The following LRRC7 variants were observed in gnomAD, a reference collection of about 807,000 sequenced individuals.
LRRC7 encodes leucine-rich repeat-containing protein 7.
In LRRC7, 23 loss-of-function variants were observed where a neutral mutation model predicts 175.7. The observed-to-expected ratio is 0.13, with a 90% CI of 0.09 to 0.19. The LOEUF (loss-of-function observed/expected upper bound fraction) is 0.19, where lower values mean the gene tolerates loss of function less well. Among genes scored for constraint, LRRC7 ranks in the 10% least tolerant of loss-of-function variants. The pLI is 1.00. For missense variants in LRRC7, 1,354 were observed against 1,904.7 expected (o/e 0.71, Z 5.38); for synonymous variants, 685 against 680.9 (o/e 1.01, Z -0.09).
chr1:70,040,515 T>G (rs1659787876), intron 21 of LRRC7, among the ~76,000 whole-genome samples: 1 of 152,116 alleles, frequency 6.6e-6, no homozygotes, highest in Non-Finnish European at 1.5e-5. Flanking sequence ...TTAATTCTAG[T>G]TCAGTTAAAA....
chr1:70,107,680 G>A, intron 25 of LRRC7, 72 bp from the exon 26 acceptor site: 2 of 1,081,294 alleles, frequency 1.8e-6, no homozygotes, highest in Non-Finnish European at 1.4e-6. Flanking sequence ...TTTTCTATGT[G>A]AATGAAGATT....
At chr1:69,888,800 C>T (rs1353028175) in intron 7 of LRRC7, among the ~76,000 whole-genome samples, 1 of 151,526 alleles carries the variant, frequency 6.6e-6, no homozygotes, top group East Asian at 1.9e-4. Context: ...GAGATGTAGC[C>T]CAAAGGAGAC....
At chr1:69,837,127 A>G (rs2101348259) in intron 6 of LRRC7, among the ~76,000 whole-genome samples, 1 of 152,038 alleles carries the variant, frequency 6.6e-6, no homozygotes, top group East Asian at 1.9e-4. Context: ...TGCATTCCTA[A>G]TCACAAATGT....
At chr1:69,663,267 G>A (rs1410888204) in intron 1 of LRRC7, among the ~76,000 whole-genome samples, 2 of 116,272 alleles carry the variant, frequency 1.7e-5, no homozygotes, top group East Asian at 2.0e-4. Flanking sequence ...CAGATGTGCT[G>A]TAGTATGTAA....
At chr1:69,774,602 T>C (rs879800918) in intron 3 of LRRC7, among the ~76,000 whole-genome samples, 2 of 152,190 alleles carry the variant, frequency 1.3e-5, no homozygotes, top group African/African-American at 2.4e-5. Flanking sequence ...AGTAGCCTTT[T>C]TGCTATCTAT....
At position 70,123,837 on chromosome 1, in the gene LRRC7, A is replaced by AG. The variant is rs1666321146; in HGVS notation, c.*1951dup. 6.6e-6 allele frequency among the ~76,000 whole-genome samples: 1 copy of AG among 152,212 alleles called. No individual in the cohort carries two copies. Among genetic ancestry groups the AG allele is most frequent in the Non-Finnish European group, 1.5e-5 (1 of 68,030 alleles). On this transcript the variant is annotated 3_prime_UTR_variant, in exon 27 of 27. Coordinates refer to ENST00000651989, the MANE Select transcript of LRRC7 (RefSeq NM_001370785.2). ...TTACTGGCCTCATAAGATCACTTAA[A>AG]GAAAAAAAACTCATGGCTGTAGTTT...
intron 8 of LRRC7, among the ~76,000 whole-genome samples, chr1:69,979,122 A>G (rs181247716): frequency 6.6e-6 from 1 of 152,312 alleles, no homozygotes; most frequent in African/African-American, 2.4e-5. Flanking sequence ...AGAAGTCACA[A>G]AGATTCACTG....
At chr1:69,824,845 A>C (rs1679718210) in intron 4 of LRRC7, among the ~76,000 whole-genome samples, 1 of 152,172 alleles carries the variant, frequency 6.6e-6, no homozygotes. Flanking sequence ...ATAGTTTCAA[A>C]AATTGAGAGA....
intron 14 of LRRC7, among the ~76,000 whole-genome samples, chr1:70,016,809 C>T (rs1657000905): frequency 1.3e-5 from 2 of 152,006 alleles, no homozygotes; most frequent in South Asian, 2.1e-4. Context: ...AGCTTTTTAA[C>T]TTCTAGGTGG....
At chr1:70,089,349 G>A (rs1663851538) in intron 24 of LRRC7, among the ~76,000 whole-genome samples, 1 of 152,076 alleles carries the variant, frequency 6.6e-6, no homozygotes, top group Admixed American at 6.6e-5. Flanking sequence ...CACTTATTCA[G>A]ACACTCCTTT....
At chr1:69,963,172 G>A (rs1381527156) in intron 8 of LRRC7, among the ~76,000 whole-genome samples, 2 of 151,736 alleles carry the variant, frequency 1.3e-5, no homozygotes, top group East Asian at 3.9e-4. Context: ...GGGCATGGTG[G>A]TACATGCCTG....
Position 70,039,298 on chromosome 1 carries a change from G to A in LRRC7, c.3474G>A (p.Val1158=). The A allele has an allele frequency of 6.2e-7, 1 of 1,614,022 alleles. No homozygotes were observed. The highest frequency in any genetic ancestry group is 8.5e-7 in the Non-Finnish European group (1 of 1,179,994). The change falls in exon 21 of 27, where the codon GTG becomes GTA. Residue 1158 remains valine (V), a synonymous_variant. Transcript: ENST00000651989. ...AGFLRRADSL[V]SATEMAMFRR... is the part of the protein sequence containing the mutation. ...TCCTGAGAAGGGCCGACTCCCTGGT[G>A]AGCGCCACAGAAATGGCCATGTTTA...
chr1:69,669,461 G>C (rs932838810), intron 1 of LRRC7, among the ~76,000 whole-genome samples: 3 of 152,122 alleles, frequency 2.0e-5, no homozygotes, highest in Admixed American at 2.0e-4. Flanking sequence ...TCCATTGTGT[G>C]TTACTTGTTT....
intron 22 of LRRC7, among the ~76,000 whole-genome samples, chr1:70,051,539 C>G (rs1660744223): frequency 6.6e-6 from 1 of 152,146 alleles, no homozygotes; most frequent in Non-Finnish European, 1.5e-5. Flanking sequence ...CGTTGAATAG[C>G]TACCTGCTAA....
rs747323408 is a variant in LRRC7 at position 70,038,568 on chromosome 1, A to T, written c.2744A>T (p.His915Leu). ...TTSPLPERKE[H>L]IKESTEIPSP... ...AGCCCATTGCCTGAAAGGAAAGAACATATAAAGGAATCTACTGAAATACCT... is the reference window on the plus strand; with the variant it reads ...AGCCCATTGCCTGAAAGGAAAGAACTTATAAAGGAATCTACTGAAATACCT... The change falls in exon 21 of 27, where the codon CAT becomes CTT. Residue 915 changes from histidine to leucine, a missense_variant. Around this residue, in one of 4 missense-constraint regions of LRRC7, gnomAD observed 1,032 missense variants for 1,227.2 expected, o/e 0.84. Coordinates refer to ENST00000651989, the MANE Select transcript of LRRC7 (RefSeq NM_001370785.2). 1 of 1,614,154 alleles carries T rather than the reference A, an allele frequency of 6.2e-7. No individual in the cohort carries two copies. Among genetic ancestry groups the T allele is most frequent in the East Asian group, 2.2e-5 (1 of 44,872 alleles).
At chr1:69,982,320 T>G (rs1423165727) in intron 9 of LRRC7, among the ~76,000 whole-genome samples, 1 of 152,216 alleles carries the variant, frequency 6.6e-6, no homozygotes, top group Non-Finnish European at 1.5e-5. Context: ...GGGAATACCC[T>G]ACACCTCCCT....
At chr1:69,719,083 A>C (rs1666074102) in intron 2 of LRRC7, among the ~76,000 whole-genome samples, 1 of 151,820 alleles carries the variant, frequency 6.6e-6, no homozygotes, top group African/African-American at 2.4e-5. Flanking sequence ...TCGTTATTAT[A>C]AACACTTTAA....
At chr1:69,686,225 A>G (rs1661121074) in intron 2 of LRRC7, among the ~76,000 whole-genome samples, 1 of 152,196 alleles carries the variant, frequency 6.6e-6, no homozygotes, top group African/African-American at 2.4e-5. Context: ...ATTTGTTGCT[A>G]ACAAACCTTC....
chr1:69,602,630 C>A (rs770932277), intron 1 of LRRC7, among the ~76,000 whole-genome samples: 1 of 152,078 alleles, frequency 6.6e-6, no homozygotes, highest in African/African-American at 2.4e-5. Flanking sequence ...AAAATGTATT[C>A]TTTCATAATT....
Sources: gnomAD v4.1 joint callset for allele counts (sites outside exome capture counted in the v4.1 genomes callset) on GRCh38, gnomAD v4.1.1 for gene constraint, gnomAD v4.1.1 regional missense constraint, MANE v1.5 for transcripts, NCBI Gene and HGNC (gene_info 2026-07-23, HGNC 2026-07-21) for gene names.